MDGA2: variants seen among roughly 807,000 people sequenced by gnomAD.
MDGA2 encodes the protein MAM domain-containing glycosylphosphatidylinositol anchor protein 2.
In MDGA2, 40 loss-of-function variants were observed where a neutral mutation model predicts 117.8. The ratio of observed to expected loss-of-function variants is 0.34; its 90% confidence interval spans 0.26 to 0.44. The LOEUF (loss-of-function observed/expected upper bound fraction) is 0.44, where lower values mean the gene tolerates loss of function less well. Among genes scored for constraint, MDGA2 ranks in the 20% least tolerant of loss-of-function variants. MDGA2 has a pLI of 1.00. For missense variants in MDGA2, 1,123 were observed against 1,250.6 expected, an observed-to-expected ratio of 0.90 and a Z score of 1.54; for synonymous variants, 452 against 439.0, an observed-to-expected ratio of 1.03 and a Z score of -0.37.
intron 5 of MDGA2, among the ~76,000 whole-genome samples, chr14:47,105,644 T>C (rs1880616653): frequency 6.6e-6 from 1 of 151,778 alleles, no homozygotes; most frequent in Admixed American, 6.6e-5. Context: ...ATTCTTGTCG[T>C]AAAATAGGCA....
chr14:46,913,362 A>C (rs1883778285), intron 10 of MDGA2, among the ~76,000 whole-genome samples: 1 of 152,128 alleles, frequency 6.6e-6, no homozygotes, highest in Non-Finnish European at 1.5e-5. Flanking sequence ...AGATTATCAA[A>C]TCTCCACAGA....
chr14:46,904,113 C>G (rs753381179), intron 10 of MDGA2, among the ~76,000 whole-genome samples: 1 of 152,052 alleles, frequency 6.6e-6, no homozygotes, highest in Non-Finnish European at 1.5e-5. Context: ...CCTGTAATCC[C>G]AGCACTTTGG....
chr14:46,878,145 GA>G (rs1882304691), intron 11 of MDGA2, among the ~76,000 whole-genome samples: 2 of 151,772 alleles, frequency 1.3e-5, no homozygotes, highest in Admixed American at 1.3e-4. Flanking sequence ...GGTACCAAAA[GA>G]ATTTTTTTTC....
chr14:47,401,267 C>T (rs1311509876), intron 1 of MDGA2, among the ~76,000 whole-genome samples: 2 of 151,964 alleles, frequency 1.3e-5, no homozygotes, highest in Non-Finnish European at 2.9e-5. Context: ...AAAAATAGAA[C>T]GGAATTCCAG....
At chr14:46,842,834 A>T (rs1271604206) in intron 16 of MDGA2, among the ~76,000 whole-genome samples, 1 of 152,240 alleles carries the variant, frequency 6.6e-6, no homozygotes, top group Admixed American at 6.5e-5. Flanking sequence ...ATTGCCTGGA[A>T]AGAACTGGCA....
intron 1 of MDGA2, among the ~76,000 whole-genome samples, chr14:47,619,603 C>A (rs184754147): frequency 1.3e-5 from 2 of 152,246 alleles, no homozygotes; most frequent in Non-Finnish European, 2.9e-5. Context: ...TCAGAATGAC[C>A]AAGCCTTAAG....
At chr14:47,275,431 A>G (rs1219084133) in intron 2 of MDGA2, among the ~76,000 whole-genome samples, 3 of 152,206 alleles carry the variant, frequency 2.0e-5, no homozygotes, top group African/African-American at 7.2e-5. Flanking sequence ...AAGAAGGCCA[A>G]TGTAATATAA....
intron 6 of MDGA2, among the ~76,000 whole-genome samples, chr14:47,080,022 T>G (rs1004301476): frequency 6.6e-6 from 1 of 152,108 alleles, no homozygotes; most frequent in East Asian, 1.9e-4. Flanking sequence ...TGAGCCACCG[T>G]GCCCGGCCTT....
chr14:47,301,187 T>C (rs775486754), intron 2 of MDGA2, among the ~76,000 whole-genome samples: 3 of 152,116 alleles, frequency 2.0e-5, no homozygotes, highest in Non-Finnish European at 4.4e-5. Flanking sequence ...TCTTTTTTCA[T>C]CTTATACAAA....
chr14:47,065,718 T>C (rs1325496283), intron 6 of MDGA2, among the ~76,000 whole-genome samples: 3 of 152,188 alleles, frequency 2.0e-5, no homozygotes, highest in Non-Finnish European at 4.4e-5. Flanking sequence ...TATACTTTAA[T>C]GTGAAAAGCA....
At chr14:47,009,627 G>C (rs954656351) in intron 8 of MDGA2, among the ~76,000 whole-genome samples, 2 of 152,034 alleles carry the variant, frequency 1.3e-5, no homozygotes, top group African/African-American at 4.8e-5. Context: ...CACAATGAAT[G>C]AACACTATGT....
intron 11 of MDGA2, among the ~76,000 whole-genome samples, chr14:46,880,357 C>T (rs901821627): frequency 6.6e-6 from 1 of 151,810 alleles, no homozygotes; most frequent in African/African-American, 2.4e-5. Context: ...TAATATTCTA[C>T]TGAAGCAATA....
At chr14:46,911,285 T>A (rs567162692) in intron 10 of MDGA2, among the ~76,000 whole-genome samples, 2 of 152,346 alleles carry the variant, frequency 1.3e-5, no homozygotes, top group South Asian at 4.1e-4. Context: ...TAAACATCAA[T>A]GATATTTTGC....
chr14:47,391,723 G>C (rs1488100849), intron 1 of MDGA2, among the ~76,000 whole-genome samples: 1 of 152,114 alleles, frequency 6.6e-6, no homozygotes, highest in Non-Finnish European at 1.5e-5. Flanking sequence ...ATTTGAAAAT[G>C]TTTTTCTAAT....
At chr14:47,493,891 G>T (rs922436487) in intron 1 of MDGA2, among the ~76,000 whole-genome samples, 1 of 152,100 alleles carries the variant, frequency 6.6e-6, no homozygotes, top group East Asian at 1.9e-4. Context: ...TGTGTGGTAT[G>T]GTTTGGCTGT....
At chr14:47,638,396 C>T (rs1273011519) in intron 1 of MDGA2, among the ~76,000 whole-genome samples, 1 of 152,120 alleles carries the variant, frequency 6.6e-6, no homozygotes, top group Non-Finnish European at 1.5e-5. Flanking sequence ...GCCTCTCCAT[C>T]CTTACTTTTG....
intron 1 of MDGA2, among the ~76,000 whole-genome samples, chr14:47,577,055 C>T (rs1896129131): frequency 6.6e-6 from 1 of 152,080 alleles, no homozygotes; most frequent in Non-Finnish European, 1.5e-5. Flanking sequence ...CCAGCCTAGA[C>T]TATTCTTAAA....
At chr14:46,906,617 C>T (rs1378918365) in intron 10 of MDGA2, among the ~76,000 whole-genome samples, 1 of 152,110 alleles carries the variant, frequency 6.6e-6, no homozygotes, top group Non-Finnish European at 1.5e-5. Context: ...TATATATTTA[C>T]TTGCCATCTG....
At chr14:46,977,574 A>G (rs1886512567) in intron 8 of MDGA2, among the ~76,000 whole-genome samples, 1 of 151,918 alleles carries the variant, frequency 6.6e-6, no homozygotes, top group Non-Finnish European at 1.5e-5. Context: ...TGTAGTTAAA[A>G]TGTTGCCGTT....
Sources: gnomAD v4.1 joint callset for allele counts (sites outside exome capture counted in the v4.1 genomes callset) on GRCh38, gnomAD v4.1.1 for gene constraint, MANE v1.5 for transcripts, NCBI Gene and HGNC (gene_info 2026-07-23, HGNC 2026-07-21) for gene names.